The following JARID2 variants were observed in gnomAD, a reference collection of about 807,000 sequenced individuals.
JARID2 encodes the protein protein Jumonji.
JARID2 carries 21 observed loss-of-function variants against 125.6 expected under a neutral mutation model. That is an observed-to-expected ratio of 0.17 (90% CI 0.12 to 0.24). The LOEUF (loss-of-function observed/expected upper bound fraction) is 0.24, where lower values mean the gene tolerates loss of function less well. Among genes scored for constraint, JARID2 ranks in the 10% least tolerant of loss-of-function variants. JARID2 has a pLI of 1.00. For synonymous variants in JARID2, 736 were observed against 661.6 expected (o/e 1.11, Z -1.73); for missense variants, 1,303 against 1,639.6 (o/e 0.79, Z 3.55).
chr6:15,383,395 A>C (rs1216028185), intron 2 of JARID2, among the ~76,000 whole-genome samples: 1 of 151,540 alleles, frequency 6.6e-6, no homozygotes, highest in African/African-American at 2.4e-5. Context: ...CCATGACATC[A>C]CACTGGAAAT....
intron 1 of JARID2, among the ~76,000 whole-genome samples, chr6:15,259,148 A>G (rs1759779583): frequency 6.6e-6 from 1 of 152,190 alleles, no homozygotes; most frequent in African/African-American, 2.4e-5. Flanking sequence ...AAGAAGCAGC[A>G]TGACTTTTTT....
At chr6:15,422,360 A>G (rs1207171040) in intron 3 of JARID2, among the ~76,000 whole-genome samples, 1 of 152,112 alleles carries the variant, frequency 6.6e-6, no homozygotes, top group Non-Finnish European at 1.5e-5. Flanking sequence ...AAATCTTCCA[A>G]GTGTGGGAGG....
At chr6:15,330,893 T>TCA in intron 1 of JARID2, among the ~76,000 whole-genome samples, 1 of 152,222 alleles carries the variant, frequency 6.6e-6, no homozygotes, top group Non-Finnish European at 1.5e-5. Flanking sequence ...AGTCTGTTTT[T>TCA]AAAAGGTGAC....
intron 1 of JARID2, among the ~76,000 whole-genome samples, chr6:15,308,795 T>C (rs1337030899): frequency 6.6e-6 from 1 of 152,260 alleles, no homozygotes; most frequent in Non-Finnish European, 1.5e-5. Flanking sequence ...TGACTTTTGC[T>C]TACTGGTGAA....
chr6:15,248,001 G>C, intron 1 of JARID2: 1 of 985,402 alleles, frequency 1.0e-6, no homozygotes, highest in Non-Finnish European at 1.2e-6. Context: ...GTAGAACTTG[G>C]ACGAGAACCG....
intron 5 of JARID2, among the ~76,000 whole-genome samples, chr6:15,474,972 C>G (rs1380456921): frequency 1.3e-5 from 2 of 152,336 alleles, no homozygotes; most frequent in African/African-American, 2.4e-5. Flanking sequence ...CCGGTTGACA[C>G]CAGTCGTTTA....
chr6:15,478,148 T>G (rs376180174), intron 5 of JARID2, among the ~76,000 whole-genome samples: 16 of 152,216 alleles, frequency 1.1e-4, no homozygotes, highest in East Asian at 3.8e-4. Flanking sequence ...GAGTTTGGTG[T>G]TGTTACCTTC....
chr6:15,249,263 C>A (rs1429500625), intron 1 of JARID2, among the ~76,000 whole-genome samples: 2 of 152,190 alleles, frequency 1.3e-5, no homozygotes, highest in Non-Finnish European at 2.9e-5. Flanking sequence ...CAGGATGTGG[C>A]CGGATGCCTT....
chr6:15,326,317 C>G (rs1345675160), intron 1 of JARID2, among the ~76,000 whole-genome samples: 1 of 152,094 alleles, frequency 6.6e-6, no homozygotes, highest in African/African-American at 2.4e-5. Context: ...GCAATACTCT[C>G]GCCTCAGCCT....
At chr6:15,272,511 C>T (rs1393655164) in intron 1 of JARID2, among the ~76,000 whole-genome samples, 1 of 152,226 alleles carries the variant, frequency 6.6e-6, no homozygotes, top group African/African-American at 2.4e-5. Flanking sequence ...AAATGCTTTA[C>T]ACAGACAGCA....
At chr6:15,285,391 C>T (rs1445792246) in intron 1 of JARID2, among the ~76,000 whole-genome samples, 1 of 152,104 alleles carries the variant, frequency 6.6e-6, no homozygotes, top group East Asian at 1.9e-4. Flanking sequence ...TCCTAAAGTG[C>T]TGGGATTACA....
chr6:15,483,388 G>GTT lies in JARID2; in HGVS notation c.671-3908_671-3907dup, dbSNP rs56938840. ...AGGTCATTCTTAAGTGAAACTGGCT[G>GTT]TTTTTTTTTTTTAACTGCTACTAAT... On this transcript the variant is annotated intron_variant, in intron 5 of 17. Coordinates refer to ENST00000341776, the MANE Select transcript of JARID2 (RefSeq NM_004973.4). Among the ~76,000 whole-genome samples, 482 of 148,598 alleles carry GTT rather than the reference G, an allele frequency of 3.2e-3. 1 individual carries two copies. Among genetic ancestry groups the GTT allele is most frequent in the African/African-American group, 8.4e-3 (341 of 40,668 alleles).
chr6:15,459,981 T>A (rs1160471770), intron 4 of JARID2, among the ~76,000 whole-genome samples: 1 of 152,148 alleles, frequency 6.6e-6, no homozygotes, highest in African/African-American at 2.4e-5. Flanking sequence ...GGTACACAAC[T>A]TTTTTTGAGG....
intron 3 of JARID2, among the ~76,000 whole-genome samples, chr6:15,424,719 T>G (rs1165540100): frequency 6.6e-6 from 1 of 152,006 alleles, no homozygotes. Flanking sequence ...ATTAGCTTGG[T>G]GTGGTGGCGC....
At position 15,512,367 on chromosome 6, in the gene JARID2, A is replaced by T; in HGVS notation, c.3112A>T (p.Ser1038Cys). ...TVHFATTQWT[S>C]MGFETAKEMK... ...GCACTTTGCTACCACCCAGTGGACA[A>T]GTATGGGCTTTGAGACCGCCAAGGT... The change falls in exon 14 of 18, where the codon AGT becomes TGT. Residue 1038 changes from serine to cysteine, a missense_variant. By Grantham distance (112) the Ser-to-Cys change is moderately radical. Transcript: ENST00000341776. 1 of 1,614,198 alleles carries T rather than the reference A, an allele frequency of 6.2e-7. No individual in the cohort carries two copies. The highest frequency in any genetic ancestry group is 1.1e-5 in the South Asian group (1 of 91,084).
chr6:15,284,018 T>G (rs961478825), intron 1 of JARID2, among the ~76,000 whole-genome samples: 2 of 152,192 alleles, frequency 1.3e-5, no homozygotes, highest in South Asian at 4.1e-4. Flanking sequence ...CCTTTAAGTA[T>G]GTTTATAGTG....
chr6:15,405,411 C>T (rs1180811689), intron 2 of JARID2, among the ~76,000 whole-genome samples: 2 of 152,210 alleles, frequency 1.3e-5, no homozygotes, highest in Non-Finnish European at 2.9e-5. Flanking sequence ...GGATCCCAGA[C>T]GCACTTCTCC....
At chr6:15,503,080 G>A (rs961362004) in intron 8 of JARID2, among the ~76,000 whole-genome samples, 3 of 152,194 alleles carry the variant, frequency 2.0e-5, no homozygotes, top group Admixed American at 2.0e-4. Flanking sequence ...CCCCGTCAAG[G>A]GTATTTCTAG....
At chr6:15,334,561 T>C (rs1762817414) in intron 1 of JARID2, among the ~76,000 whole-genome samples, 1 of 152,212 alleles carries the variant, frequency 6.6e-6, no homozygotes, top group African/African-American at 2.4e-5. Flanking sequence ...TTTTGCATAC[T>C]CCTTTTACCA....
Sources: allele counts gnomAD v4.1 joint callset (sites outside exome capture counted in the v4.1 genomes callset), GRCh38; gene constraint gnomAD v4.1.1; transcripts MANE v1.5; gene names NCBI Gene and HGNC (gene_info 2026-07-23, HGNC 2026-07-21).